The following FRMD5 variants were observed in gnomAD, a reference collection of about 807,000 sequenced individuals.
FRMD5 encodes the protein FERM domain containing 5.
FRMD5 carries 20 observed loss-of-function variants against 69.0 expected under a neutral mutation model. That is an observed-to-expected ratio of 0.29 (90% CI 0.20 to 0.42). The LOEUF (loss-of-function observed/expected upper bound fraction) is 0.42. FRMD5 is among the 10% of genes least tolerant of loss of function. The pLI, the probability that FRMD5 is intolerant of heterozygous loss-of-function variation, is 1.00. For synonymous variants in FRMD5, 271 were observed against 260.1 expected (o/e 1.04, Z -0.40); for missense variants, 595 against 708.6 (o/e 0.84, Z 1.82).
At chr15:44,059,571 G>A (rs1231858622) in intron 1 of FRMD5, among the ~76,000 whole-genome samples, 2 of 152,082 alleles carry the variant, frequency 1.3e-5, no homozygotes, top group African/African-American at 4.8e-5. Flanking sequence ...GAGTGCAGTG[G>A]CACAATCTTG....
intron 1 of FRMD5, among the ~76,000 whole-genome samples, chr15:44,165,316 G>A (rs2077691279): frequency 1.3e-5 from 2 of 152,158 alleles, no homozygotes; most frequent in African/African-American, 4.8e-5. Flanking sequence ...CAGCTACTGG[G>A]GAGGCCGATG....
chr15:43,955,699 G>A (rs542748749), intron 1 of FRMD5, among the ~76,000 whole-genome samples: 4 of 152,246 alleles, frequency 2.6e-5, no homozygotes, highest in Admixed American at 6.5e-5. Context: ...CAACCTCTGA[G>A]TGAAGAACAT....
intron 1 of FRMD5, among the ~76,000 whole-genome samples, chr15:44,119,047 C>T (rs1008132964): frequency 6.6e-6 from 1 of 152,206 alleles, no homozygotes; most frequent in African/African-American, 2.4e-5. Flanking sequence ...ACTGCAGCCT[C>T]GACCTCGTGG....
chr15:43,895,974 G>A (rs921128214), intron 7 of FRMD5, among the ~76,000 whole-genome samples: 2 of 152,212 alleles, frequency 1.3e-5, no homozygotes, highest in African/African-American at 2.4e-5. Context: ...GAGGGAATGA[G>A]GACAAGGTGA....
intron 1 of FRMD5, chr15:44,101,458 C>T (rs948104433): frequency 6.6e-6 from 1 of 152,644 alleles, no homozygotes; most frequent in Non-Finnish European, 1.5e-5. Flanking sequence ...AACCTACTTA[C>T]TATGTATTTC....
rs1380013094 is a variant in FRMD5 at position 43,989,147 on chromosome 15, A to G, written c.103-64838T>C. The G allele has an allele frequency of 5.2e-6, 5 of 956,044 alleles. No individual in the cohort carries two copies. In the East Asian group the frequency reaches 1.2e-4, roughly 23 times the overall value. The allele number at this position is 956,044 out of a possible 1,614,324, so 59.2% of individuals were successfully genotyped here. ...CACATCTGCTGGACGGTGGACAGCC[A>G]GGCCAGGATGGAGCTGCCGATCCAC... On this transcript the variant is annotated intron_variant, in intron 1 of 13. Coordinates refer to ENST00000417257, the MANE Select transcript of FRMD5 (RefSeq NM_032892.5).
chr15:43,971,424 G>A (rs2090375594), intron 1 of FRMD5, among the ~76,000 whole-genome samples: 1 of 151,514 alleles, frequency 6.6e-6, no homozygotes, highest in Non-Finnish European at 1.5e-5. Context: ...TCTGCCTGGT[G>A]CGGTGGCTCA....
chr15:43,890,523 G>A (rs983192819), intron 8 of FRMD5, among the ~76,000 whole-genome samples: 1 of 152,170 alleles, frequency 6.6e-6, no homozygotes, highest in Non-Finnish European at 1.5e-5. Context: ...GCCCTCTAAA[G>A]AATATCAAAT....
intron 1 of FRMD5, among the ~76,000 whole-genome samples, chr15:44,006,617 T>C (rs1890461803): frequency 6.6e-6 from 1 of 152,196 alleles, no homozygotes; most frequent in Non-Finnish European, 1.5e-5. Context: ...GAAGTCAAAT[T>C]ATCAACATTA....
chr15:44,196,339 C>T (rs565614380), upstream of FRMD5, among the ~76,000 whole-genome samples: 68 of 152,044 alleles, frequency 4.5e-4, no homozygotes, highest in African/African-American at 1.5e-3. Context: ...TAGCACGCAC[C>T]TGTAATCCCA....
intron 13 of FRMD5, among the ~76,000 whole-genome samples, chr15:43,879,125 A>G (rs1254820261): frequency 1.3e-5 from 2 of 151,460 alleles, no homozygotes; most frequent in Non-Finnish European, 2.9e-5. Flanking sequence ...TTTAGTAGAG[A>G]TGGGGTTTCG....
intron 5 of FRMD5, among the ~76,000 whole-genome samples, chr15:43,906,276 T>C (rs1302829205): frequency 6.6e-6 from 1 of 152,140 alleles, no homozygotes; most frequent in East Asian, 1.9e-4. Flanking sequence ...CATTCCGCCA[T>C]GAGAAGATGG....
intron 1 of FRMD5, among the ~76,000 whole-genome samples, chr15:44,190,197 C>T (rs2078171130): frequency 6.6e-6 from 1 of 152,146 alleles, no homozygotes; most frequent in Non-Finnish European, 1.5e-5. Flanking sequence ...CAGAGTCAGA[C>T]AGGATGTTAT....
intron 1 of FRMD5, among the ~76,000 whole-genome samples, chr15:44,128,035 GA>G (rs1339042153): frequency 6.6e-6 from 1 of 152,148 alleles, no homozygotes; most frequent in Admixed American, 6.5e-5. Flanking sequence ...GCTATGCCAA[GA>G]GAGAGGAAGG....
chr15:44,055,283 T>C (rs1043549597), intron 1 of FRMD5, among the ~76,000 whole-genome samples: 1 of 152,120 alleles, frequency 6.6e-6, no homozygotes, highest in African/African-American at 2.4e-5. Context: ...TGGCACCTTA[T>C]AGACTAGTAG....
intron 1 of FRMD5, among the ~76,000 whole-genome samples, chr15:44,127,416 G>C (rs2140410790): frequency 6.6e-6 from 1 of 152,226 alleles, no homozygotes; most frequent in East Asian, 1.9e-4. Flanking sequence ...TTATTGTGAA[G>C]GTAGTAAGAG....
At chr15:43,951,221 C>T (rs981475919) in intron 1 of FRMD5, among the ~76,000 whole-genome samples, 2 of 151,994 alleles carry the variant, frequency 1.3e-5, no homozygotes, top group African/African-American at 4.8e-5. Context: ...GAGATCGAGA[C>T]CATCCTGGCT....
chr15:44,034,675 CTG>C (rs1329626616), intron 1 of FRMD5, among the ~76,000 whole-genome samples: 1 of 152,194 alleles, frequency 6.6e-6, no homozygotes, highest in Non-Finnish European at 1.5e-5. Context: ...TTGTCTAAGT[CTG>C]TGCCCCAACC....
At position 43,924,193 on chromosome 15, in the gene FRMD5, A is replaced by G; in HGVS notation, c.207+12T>C. On this transcript the variant is annotated intron_variant, in intron 2 of 13. Coordinates refer to ENST00000417257, the MANE Select transcript of FRMD5 (RefSeq NM_032892.5). ...GCCCTGTCCTCCTTTTGTGCTTTGA[A>G]TATTGACTTACCCGCTGCTTATCTG... 1 of 1,591,208 alleles carries G rather than the reference A, an allele frequency of 6.3e-7. No homozygotes were observed. The highest frequency in any genetic ancestry group is 8.6e-7 in the Non-Finnish European group (1 of 1,159,172).
Sources: gnomAD v4.1 joint callset for allele counts (sites outside exome capture counted in the v4.1 genomes callset) on GRCh38, gnomAD v4.1.1 for gene constraint, MANE v1.5 for transcripts, NCBI Gene and HGNC (gene_info 2026-07-23, HGNC 2026-07-21) for gene names.